Variants in SORCS2 observed in about 807,000 individuals in gnomAD.
The protein encoded by SORCS2 is VPS10 domain-containing receptor SorCS2.
A neutral mutation model predicts 141.6 loss-of-function variants in SORCS2; 100 were observed. That is an observed-to-expected ratio of 0.71 (90% CI 0.60 to 0.83). The LOEUF (loss-of-function observed/expected upper bound fraction) is 0.83. Ranked by LOEUF, SORCS2 falls within the 40% of genes least tolerant of loss-of-function variation. The pLI, the probability that SORCS2 is intolerant of heterozygous loss-of-function variation, is 0.00. For missense variants in SORCS2, 1,646 were observed against 1,560.2 expected, an observed-to-expected ratio of 1.05 and a Z score of -0.93; for synonymous variants, 789 against 676.9, an observed-to-expected ratio of 1.17 and a Z score of -2.57.
intron 3 of SORCS2, among the ~76,000 whole-genome samples, chr4:7,608,432 G>A (rs1437673081): frequency 1.3e-5 from 2 of 152,154 alleles, no homozygotes; most frequent in East Asian, 1.9e-4. Context: ...ACATACCAGG[G>A]GCCATCTCTG....
intron 1 of SORCS2, among the ~76,000 whole-genome samples, chr4:7,312,747 C>T (rs940425177): frequency 7.9e-5 from 12 of 152,188 alleles, no homozygotes; most frequent in East Asian, 1.9e-4. Context: ...GCAAATGTCA[C>T]GCCCCTGCTT....
intron 23 of SORCS2, among the ~76,000 whole-genome samples, chr4:7,732,205 C>T (rs1430041458): frequency 6.6e-6 from 1 of 152,214 alleles, no homozygotes; most frequent in African/African-American, 2.4e-5. Flanking sequence ...TGCTCACCAT[C>T]TCGAATCATC....
At chr4:7,269,641 T>C (rs960835465) in intron 1 of SORCS2, among the ~76,000 whole-genome samples, 1 of 152,190 alleles carries the variant, frequency 6.6e-6, no homozygotes, top group Non-Finnish European at 1.5e-5. Context: ...AGCCAAGGTA[T>C]GCCAGTGATG....
Position 7,555,905 on chromosome 4 carries a change from A to G in SORCS2, c.648+24276A>G, listed in dbSNP as rs1271241857. 2.0e-5 allele frequency among the ~76,000 whole-genome samples: 3 copies of G among 152,228 alleles called. No individual in the cohort carries two copies. The South Asian group carries it at 6.2e-4, about 32-fold the overall frequency. ...GCCCCCAGGAAAGCTGTTCACAGGG[A>G]CAGATGAGAAAGGTGTGGAGCTGAC... On this transcript the variant is annotated intron_variant, in intron 3 of 26. Coordinates refer to ENST00000507866, the MANE Select transcript of SORCS2 (RefSeq NM_020777.3).
At chr4:7,527,230 A>G (rs1384048458) in intron 2 of SORCS2, among the ~76,000 whole-genome samples, 5 of 152,240 alleles carry the variant, frequency 3.3e-5, no homozygotes, top group African/African-American at 4.8e-5. Context: ...CGGCAGAGCA[A>G]TGCCTCCCAC....
intron 1 of SORCS2, among the ~76,000 whole-genome samples, chr4:7,378,984 C>A (rs1368884784): frequency 6.6e-6 from 1 of 152,198 alleles, no homozygotes; most frequent in African/African-American, 2.4e-5. Context: ...TCCCTAGATG[C>A]ACCTTCATTC....
chr4:7,718,692 TCCTCCCAG>T (rs1245984002), intron 18 of SORCS2, among the ~76,000 whole-genome samples: 7 of 152,308 alleles, frequency 4.6e-5, no homozygotes, highest in African/African-American at 1.4e-4. Flanking sequence ...GATAGAAATT[TCCTCCCAG>T]CCTCCCAGGC....
intron 2 of SORCS2, among the ~76,000 whole-genome samples, chr4:7,510,754 C>T (rs1732589605): frequency 1.8e-5 from 1 of 55,082 alleles, no homozygotes; most frequent in Non-Finnish European, 3.4e-5. Context: ...TTCGCCTTCC[C>T]AGATACCCGC....
intron 2 of SORCS2, among the ~76,000 whole-genome samples, chr4:7,442,964 C>T (rs560724251): frequency 2.2e-4 from 33 of 152,256 alleles, no homozygotes; most frequent in African/African-American, 7.9e-4. Flanking sequence ...TGGTGGGGGC[C>T]AGCAATCTTC....
chr4:7,278,112 A>G (rs977904303), intron 1 of SORCS2, among the ~76,000 whole-genome samples: 7 of 152,178 alleles, frequency 4.6e-5, no homozygotes, highest in African/African-American at 1.7e-4. Context: ...TCCCTATCCC[A>G]GGGCTCCCCG....
intron 16 of SORCS2, among the ~76,000 whole-genome samples, chr4:7,714,812 C>A (rs188617717): frequency 1.2e-3 from 184 of 152,282 alleles, no homozygotes; most frequent in Non-Finnish European, 8.7e-4. Flanking sequence ...GCCACCTCAC[C>A]CCTCCTCATC....
At chr4:7,537,532 T>G (rs1029364732) in intron 3 of SORCS2, among the ~76,000 whole-genome samples, 1 of 152,174 alleles carries the variant, frequency 6.6e-6, no homozygotes, top group African/African-American at 2.4e-5. Context: ...GAGAGAGCCC[T>G]TTGCTTTGTC....
At position 7,404,260 on chromosome 4, in the gene SORCS2, G is replaced by A. The variant is rs561531805; in HGVS notation, c.548+7905G>A. 2.0e-5 allele frequency among the ~76,000 whole-genome samples: 3 copies of A among 152,108 alleles called. No individual in the cohort carries two copies. The East Asian group carries it at 5.8e-4, about 29-fold the overall frequency. On this transcript the variant is annotated intron_variant, in intron 2 of 26. Coordinates refer to ENST00000507866, the MANE Select transcript of SORCS2 (RefSeq NM_020777.3). ...CAGTCATCCATTGATAGACACTTGA[G>A]TTGATTCCACATCTTTTCTATTGTG... is the stretch of plus-strand genomic sequence containing the variant.
In SORCS2 at chr4:7,541,935, A is replaced by G. The variant is rs1298849157; in HGVS notation, c.648+10306A>G. The stretch of plus-strand genomic sequence containing the variant: ...GTGGCCAGCAGCAAGGCAGCTCACC[A>G]ATGAGCATACTTTGGGTGCTTCTGG... On this transcript the variant is annotated intron_variant, in intron 3 of 26. Coordinates refer to ENST00000507866, the MANE Select transcript of SORCS2 (RefSeq NM_020777.3). 2.6e-5 allele frequency among the ~76,000 whole-genome samples: 4 copies of G among 152,338 alleles called. No individual in the cohort carries two copies. The East Asian group carries it at 7.7e-4, about 29-fold the overall frequency.
chr4:7,552,470 G>A (rs1034091811), intron 3 of SORCS2, among the ~76,000 whole-genome samples: 3 of 152,138 alleles, frequency 2.0e-5, no homozygotes, highest in African/African-American at 4.8e-5. Flanking sequence ...AAAAGCACTG[G>A]CCCCAGTCCA....
intron 2 of SORCS2, among the ~76,000 whole-genome samples, chr4:7,429,515 A>C (rs1325290794): frequency 6.6e-6 from 1 of 152,242 alleles, no homozygotes. Flanking sequence ...GATCTGTAAA[A>C]ATATAACAAT....
At chr4:7,569,536 C>A (rs529397547) in intron 3 of SORCS2, among the ~76,000 whole-genome samples, 44 of 152,214 alleles carry the variant, frequency 2.9e-4, no homozygotes, top group Middle Eastern at 3.4e-3. Context: ...AAAGAAATAT[C>A]TACAGAAGGA....
rs900847687 is a variant in SORCS2 at position 7,446,356 on chromosome 4, G to A, written c.548+50001G>A. 1.1e-4 allele frequency among the ~76,000 whole-genome samples: 16 copies of A among 152,214 alleles called. 1 individual carries two copies. Among genetic ancestry groups the A allele is most frequent in the Admixed American group, 7.9e-4 (12 of 15,286 alleles). ...CCCTGCCATGGCACCTCGCAGTGGCGTCCGCAGCATCAGGGGCTACAGGTA... is the reference window on the plus strand; with the variant it reads ...CCCTGCCATGGCACCTCGCAGTGGCATCCGCAGCATCAGGGGCTACAGGTA... On this transcript the variant is annotated intron_variant, in intron 2 of 26. Coordinates refer to ENST00000507866, the MANE Select transcript of SORCS2 (RefSeq NM_020777.3).
chr4:7,673,648 C>A (rs1577926746), intron 8 of SORCS2, among the ~76,000 whole-genome samples: 1 of 152,306 alleles, frequency 6.6e-6, no homozygotes, highest in East Asian at 1.9e-4. Flanking sequence ...CCAGTCATAA[C>A]CTCGAGTCAC....
Sources: allele counts gnomAD v4.1 joint callset (sites outside exome capture counted in the v4.1 genomes callset), GRCh38; gene constraint gnomAD v4.1.1; transcripts MANE v1.5; gene names NCBI Gene and HGNC (gene_info 2026-07-23, HGNC 2026-07-21).